TPR: variants seen among roughly 807,000 people sequenced by gnomAD.
The protein encoded by TPR is nucleoprotein TPR.
A neutral mutation model predicts 316.1 loss-of-function variants in TPR; 51 were observed. The ratio of observed to expected loss-of-function variants is 0.16; its 90% CI spans 0.13 to 0.20. The LOEUF (loss-of-function observed/expected upper bound fraction) is 0.20, where lower values mean the gene tolerates loss of function less well. Ranked by LOEUF, TPR falls within the 10% of genes least tolerant of loss-of-function variation. The pLI is 1.00. For missense variants in TPR, 2,272 were observed against 2,754.8 expected, an observed-to-expected ratio of 0.82 and a Z score of 3.92; for synonymous variants, 981 against 914.7, an observed-to-expected ratio of 1.07 and a Z score of -1.31.
intron 13 of TPR, 46 bp from the exon 14 acceptor site, chr1:186,357,669 T>C: frequency 6.5e-7 from 1 of 1,528,768 alleles, no homozygotes; most frequent in Non-Finnish European, 8.9e-7. Context: ...TTAGTTACAA[T>C]TCTGGACAAG....
rs181858920 is a variant in TPR at position 186,334,995 on chromosome 1, A to G, written c.4973+73T>C. The G allele has an allele frequency of 3.5e-3, 5,191 of 1,469,406 alleles. 21 individuals are homozygous for G. The highest frequency in any genetic ancestry group is 4.4e-3 in the Non-Finnish European group (4,758 of 1,074,928). 91.0% of individuals were successfully genotyped at this position (1,469,406 alleles called of 1,614,324 possible). On this transcript the variant is annotated intron_variant, in intron 35 of 50. Coordinates refer to ENST00000367478, the MANE Select transcript of TPR (RefSeq NM_003292.3). ...TAGAATACACAGATTTCTTTTTCCT[A>G]AACAGAAAGATCACTAGATATTCCC...
At chr1:186,372,925 G>C (rs944307961) in intron 2 of TPR, among the ~76,000 whole-genome samples, 1 of 152,062 alleles carries the variant, frequency 6.6e-6, no homozygotes, top group Admixed American at 6.5e-5. Flanking sequence ...TAAATATAAT[G>C]AAATCAATAG....
intron 21 of TPR, among the ~76,000 whole-genome samples, chr1:186,348,174 GGA>G (rs1247274100): frequency 6.6e-6 from 1 of 152,110 alleles, no homozygotes; most frequent in East Asian, 1.9e-4. Flanking sequence ...CGTGCAAGTA[GGA>G]GAGATATCGC....
intron 15 of TPR, 133 bp from the exon 16 acceptor site, chr1:186,355,901 G>A: frequency 1.8e-6 from 2 of 1,116,476 alleles, no homozygotes; most frequent in Non-Finnish European, 2.5e-6. Context: ...TAAGATTATA[G>A]GAGTTTTTAA....
chr1:186,337,997 T>C (rs1484991457), intron 31 of TPR, 36 bp downstream of exon 31: 4 of 1,490,362 alleles, frequency 2.7e-6, no homozygotes, highest in Non-Finnish European at 9.0e-7. Context: ...ACATTCATCC[T>C]AGTTTTTTTT....
At chr1:186,349,244 A>G (rs1040514325) in intron 21 of TPR, among the ~76,000 whole-genome samples, 3 of 152,236 alleles carry the variant, frequency 2.0e-5, no homozygotes, top group Non-Finnish European at 4.4e-5. Flanking sequence ...TACTGAACAA[A>G]TACTATACTG....
intron 43 of TPR, 106 bp downstream of exon 43, chr1:186,323,580 G>T: frequency 9.2e-7 from 1 of 1,081,300 alleles, no homozygotes; most frequent in Non-Finnish European, 1.3e-6. Context: ...TCATGGGATT[G>T]CTAATTTAAA....
In TPR at chr1:186,349,806, A is replaced by G. The variant is rs529945461; in HGVS notation, c.2776+417T>C. 1.3e-3 allele frequency among the ~76,000 whole-genome samples: 200 copies of G among 152,348 alleles called. 1 individual carries two copies. The highest frequency in any genetic ancestry group is 4.6e-3 in the African/African-American group (190 of 41,594). ...TACCTGAGGCTACCAACGAGCAAAT[A>G]TTGGGAATACTGCTTTAAAGGAGAT... On this transcript the variant is annotated intron_variant, in intron 21 of 50. Coordinates refer to ENST00000367478, the MANE Select transcript of TPR (RefSeq NM_003292.3).
chr1:186,361,034 G>T, intron 9 of TPR, 129 bp from the exon 10 acceptor site: 1 of 971,766 alleles, frequency 1.0e-6, no homozygotes, highest in South Asian at 1.8e-5. Context: ...TCAGCTGACA[G>T]TATCTATTGA....
At chr1:186,319,040 G>A (rs1657694328) in intron 46 of TPR, among the ~76,000 whole-genome samples, 1 of 151,962 alleles carries the variant, frequency 6.6e-6, no homozygotes, top group African/African-American at 2.4e-5. Context: ...CCCAAGTTAA[G>A]AGTGCAGTGA....
In TPR at chr1:186,351,490, T is replaced by C. The variant is rs1471449816; in HGVS notation, c.2470-20A>G. ...TATTCCCTAAAGCAAAGAAAAGATT[T>C]TTGGTTATGCTTAAGAAAAAGGCAA... On this transcript the variant is annotated intron_variant, in intron 19 of 50. Coordinates refer to ENST00000367478, the MANE Select transcript of TPR (RefSeq NM_003292.3). The C allele has an allele frequency of 6.5e-7, 1 of 1,539,118 alleles. No individual in the cohort carries two copies.
chr1:186,332,348 G>C lies in TPR; in HGVS notation c.5456-5C>G, dbSNP rs1488130973. The C allele has an allele frequency of 6.2e-7, 1 of 1,610,922 alleles. No homozygotes were observed. The highest frequency in any genetic ancestry group is 2.2e-5 in the East Asian group (1 of 44,820). ...AAGAACTGGGGGTAGCCGAAACTTT[G>C]AAATTATATAAATCTTGAATTAGAG... is the stretch of plus-strand genomic sequence containing the variant. On this transcript the variant is annotated splice_polypyrimidine_tract_variant and splice_region_variant and intron_variant, in intron 37 of 50. Transcript: ENST00000367478.
chr1:186,332,754 G>A (rs1658207008), intron 37 of TPR, among the ~76,000 whole-genome samples: 1 of 152,044 alleles, frequency 6.6e-6, no homozygotes, highest in Non-Finnish European at 1.5e-5. Context: ...TATCTTAGGT[G>A]TCTTTTAGTC....
At chr1:186,346,031 A>T in intron 23 of TPR, 104 bp downstream of exon 23, 1 of 1,347,196 alleles carries the variant, frequency 7.4e-7, no homozygotes, top group South Asian at 1.6e-5. Flanking sequence ...CTATGTGTTC[A>T]ATAAATTTCT....
intron 17 of TPR, 88 bp from the exon 18 acceptor site, chr1:186,353,938 TC>T (rs1558024608): frequency 8.3e-7 from 1 of 1,205,320 alleles, no homozygotes; most frequent in Non-Finnish European, 1.2e-6. Context: ...TTAACCCATT[TC>T]CCCAAATGCC....
chr1:186,335,549 G>C lies in TPR; in HGVS notation c.4706-6C>G. The C allele has an allele frequency of 6.4e-7, 1 of 1,574,226 alleles. No homozygotes were observed. Among genetic ancestry groups the C allele is most frequent in the South Asian group, 1.2e-5 (1 of 83,902 alleles). The stretch of plus-strand genomic sequence containing the variant: ...AGTTAGCTGATCTTTTACACCTAAA[G>C]AAGTAACCAGGCGATTATATTAATA... On this transcript the variant is annotated splice_region_variant and splice_polypyrimidine_tract_variant and intron_variant, in intron 33 of 50. Coordinates refer to ENST00000367478, the MANE Select transcript of TPR (RefSeq NM_003292.3).
rs964207755 is a variant in TPR at position 186,313,584 on chromosome 1, T to G, written c.*387A>C. On this transcript the variant is annotated 3_prime_UTR_variant, in exon 51 of 51. Transcript: ENST00000367478. ...AGTAAAAACATCTCTATTAAAATGA[T>G]AAACATTGTCTTTGAGCATAATAGT... is the stretch of plus-strand genomic sequence containing the variant. 1 of 769,854 alleles carries G rather than the reference T, an allele frequency of 1.3e-6. No individual in the cohort carries two copies. The highest frequency in any genetic ancestry group is 2.3e-6 in the Non-Finnish European group (1 of 434,760). 47.7% of individuals were successfully genotyped at this position (769,854 alleles called of 1,614,324 possible).
chr1:186,345,785 AT>A, intron 23 of TPR, 89 bp from the exon 24 acceptor site: 2 of 942,840 alleles, frequency 2.1e-6, no homozygotes, highest in South Asian at 1.6e-5. Context: ...TTGAAGTCTC[AT>A]TTTTTAAGAT....
intron 39 of TPR, among the ~76,000 whole-genome samples, chr1:186,330,843 A>C (rs1658140900): frequency 6.6e-6 from 1 of 152,176 alleles, no homozygotes; most frequent in South Asian, 2.1e-4. Flanking sequence ...AAGAAAGGAA[A>C]GTAATAATAT....
Sources: allele counts gnomAD v4.1 joint callset (sites outside exome capture counted in the v4.1 genomes callset), GRCh38; gene constraint gnomAD v4.1.1; transcripts MANE v1.5; gene names NCBI Gene and HGNC (gene_info 2026-07-23, HGNC 2026-07-21).